Variants in UROC1 observed in about 807,000 individuals in gnomAD.
UROC1 encodes urocanate hydratase.
In UROC1, 79 loss-of-function variants were observed where a neutral mutation model predicts 89.5. That is an observed-to-expected ratio of 0.88 (90% CI 0.74 to 1.06). The LOEUF (loss-of-function observed/expected upper bound fraction) is 1.06. Among genes scored for constraint, UROC1 ranks in the 50% least tolerant of loss-of-function variants. The pLI is 0.00. For missense variants in UROC1, 885 were observed against 907.8 expected (o/e 0.97, Z 0.32); for synonymous variants, 361 against 354.8 (o/e 1.02, Z -0.20).
At position 126,517,684 on chromosome 3, in the gene UROC1, G is replaced by A. The variant is rs1936359901; in HGVS notation, c.36C>T (p.Pro12=). Residue 12 remains proline, a synonymous_variant, in exon 1 of 20, where the codon CCC becomes CCT. Coordinates refer to ENST00000290868, the MANE Select transcript of UROC1 (RefSeq NM_144639.3). Reference sequence around the variant, plus strand: ...CCCGGTTCTCTGGGAGGGGCCGCAGGGGCAGGCCAGAGCACAGCGCCTGGA... The same window carrying A: ...CCCGGTTCTCTGGGAGGGGCCGCAGAGGCAGGCCAGAGCACAGCGCCTGGA... ...SSLQALCSGL[P]LRPLPENRGR... is the part of the protein sequence containing the mutation. 3 of 1,599,324 alleles carry A rather than the reference G, an allele frequency of 1.9e-6. No individual in the cohort carries two copies. The highest frequency in any genetic ancestry group is 2.6e-6 in the Non-Finnish European group (3 of 1,173,674).
At chr3:126,504,390 T>C (rs1936006776) in intron 8 of UROC1, among the ~76,000 whole-genome samples, 1 of 152,148 alleles carries the variant, frequency 6.6e-6, no homozygotes, top group Non-Finnish European at 1.5e-5. Context: ...GAACATCGAT[T>C]TCAACTAAGA....
At chr3:126,505,108 A>C (rs1936023084) in intron 8 of UROC1, among the ~76,000 whole-genome samples, 1 of 152,136 alleles carries the variant, frequency 6.6e-6, no homozygotes, top group African/African-American at 2.4e-5. Flanking sequence ...ACCTTCCACC[A>C]TGAGTGGAAG....
intron 2 of UROC1, among the ~76,000 whole-genome samples, chr3:126,510,052 TG>T (rs1219193419): frequency 6.6e-6 from 1 of 152,228 alleles, no homozygotes; most frequent in Non-Finnish European, 1.5e-5. Context: ...CCGGAGGTAC[TG>T]GCTGGAGTGA....
intron 4 of UROC1, 113 bp from the exon 5 acceptor site, chr3:126,508,208 C>T: frequency 6.3e-7 from 1 of 1,591,866 alleles, no homozygotes; most frequent in South Asian, 1.1e-5. Flanking sequence ...GTCTCCATTC[C>T]ACTCCAGTGG....
Position 126,505,927 on chromosome 3 carries a change from C to T in UROC1, c.669+18G>A, listed in dbSNP as rs542476332. The T allele has an allele frequency of 6.2e-5, 100 of 1,612,664 alleles. 1 individual carries two copies. In the South Asian group the frequency reaches 8.2e-4, roughly 13 times the overall value. ...CCATGCTGGGAAGCCCACAGCCAGG[C>T]GTGGCCCCATCTCTCACCACAGTGC... is the stretch of plus-strand genomic sequence containing the variant. On this transcript the variant is annotated intron_variant, in intron 7 of 19. Transcript: ENST00000290868.
chr3:126,504,783 C>T (rs1458764257), intron 8 of UROC1, among the ~76,000 whole-genome samples: 1 of 152,206 alleles, frequency 6.6e-6, no homozygotes, highest in Non-Finnish European at 1.5e-5. Flanking sequence ...GGCTCCTTGC[C>T]TCCTCCACTT....
chr3:126,517,544 T>A (rs765208718), intron 1 of UROC1, 50 bp downstream of exon 1: 2 of 1,611,474 alleles, frequency 1.2e-6, no homozygotes, highest in Non-Finnish European at 1.7e-6. Context: ...ATGGACCACC[T>A]GGAGGATGCC....
At chr3:126,501,960 G>C in intron 9 of UROC1, 5 of 1,581,824 alleles carry the variant, frequency 3.2e-6, no homozygotes, top group Middle Eastern at 1.7e-4. Flanking sequence ...TGTGGGAACC[G>C]TGAGCAGAGC....
At chr3:126,513,813 G>A (rs541904155) in intron 1 of UROC1, among the ~76,000 whole-genome samples, 1 of 152,232 alleles carries the variant, frequency 6.6e-6, no homozygotes, top group Non-Finnish European at 1.5e-5. Flanking sequence ...TTAAGCAGTA[G>A]GTATGCCCCT....
At chr3:126,506,192 C>T (rs983032116) in intron 6 of UROC1, among the ~76,000 whole-genome samples, 181 bp from the exon 7 acceptor site, 1 of 152,230 alleles carries the variant, frequency 6.6e-6, no homozygotes, top group African/African-American at 2.4e-5. Context: ...ACACCCTTGT[C>T]CCCTCTCGCC....
chr3:126,482,478 C>T lies in UROC1; in HGVS notation c.1898G>A (p.Arg633Gln), dbSNP rs374958655. Residue 633 changes from arginine to glutamine, a missense_variant, in exon 20 of 20, where the codon CGG becomes CAG. By Grantham distance (43) the Arg-to-Gln change is conservative. Coordinates refer to ENST00000290868, the MANE Select transcript of UROC1 (RefSeq NM_144639.3). ...LSWDVSNGVA[R>Q]RCWSGNQKAY... ...CTTCTGGTTCCCTGACCAGCAGCGC[C>T]GGGCCACCTAGGGCAAGGAGGGGGA... The T allele has an allele frequency of 8.1e-5, 130 of 1,613,864 alleles. No individual in the cohort carries two copies. Among genetic ancestry groups the T allele is most frequent in the African/African-American group, 3.6e-4 (27 of 74,928 alleles).
chr3:126,502,689 T>G (rs1264353698), intron 9 of UROC1, among the ~76,000 whole-genome samples: 1 of 151,880 alleles, frequency 6.6e-6, no homozygotes, highest in Non-Finnish European at 1.5e-5. Flanking sequence ...GTTGTGTGTC[T>G]GTTTATGTGT....
intron 4 of UROC1, 120 bp downstream of exon 4, chr3:126,508,296 C>T (rs545877378): frequency 7.3e-6 from 10 of 1,379,144 alleles, no homozygotes; most frequent in African/African-American, 1.4e-5. Flanking sequence ...ATGCTGGAGC[C>T]TCAGGCACCA....
At position 126,483,580 on chromosome 3, in the gene UROC1, C is replaced by A. The variant is rs945421664; in HGVS notation, c.1791-112G>T. The A allele has an allele frequency of 4.1e-6, 4 of 964,238 alleles. No homozygotes were observed. In the African/African-American group the frequency reaches 4.8e-5, roughly 12 times the overall value. 59.7% of individuals were successfully genotyped at this position (964,238 alleles called of 1,614,324 possible). ...CTTGAGACGGCGTCAGGGTTGGGGCCGCCACACCGCCAGCCTCTGCAACCT... is the reference window on the plus strand; with the variant it reads ...CTTGAGACGGCGTCAGGGTTGGGGCAGCCACACCGCCAGCCTCTGCAACCT... On this transcript the variant is annotated intron_variant, in intron 18 of 19. Transcript: ENST00000290868.
intron 1 of UROC1, among the ~76,000 whole-genome samples, chr3:126,517,330 A>G (rs1254584079): frequency 6.6e-6 from 1 of 152,168 alleles, no homozygotes; most frequent in African/African-American, 2.4e-5. Flanking sequence ...GGAGGTGGCC[A>G]AAGTGCCACC....
chr3:126,515,660 CT>C (rs1183525768), intron 1 of UROC1, among the ~76,000 whole-genome samples: 1 of 36,810 alleles, frequency 2.7e-5, no homozygotes, highest in Non-Finnish European at 5.2e-5. Flanking sequence ...TACCCTCCCC[CT>C]AACCCCCAGC....
intron 9 of UROC1, among the ~76,000 whole-genome samples, chr3:126,502,341 G>A (rs891858506): frequency 1.0e-4 from 15 of 149,870 alleles, no homozygotes; most frequent in African/African-American, 2.0e-4. Context: ...TGTTGTGTGC[G>A]TTTGTGTGTT....
chr3:126,486,945 C>T (rs115759806), intron 18 of UROC1, among the ~76,000 whole-genome samples: 1 of 152,338 alleles, frequency 6.6e-6, no homozygotes, highest in African/African-American at 2.4e-5. Flanking sequence ...TTTCCCAAAA[C>T]ACCCCTCAAG....
intron 15 of UROC1, among the ~76,000 whole-genome samples, chr3:126,493,813 A>G (rs1935711492): frequency 6.6e-6 from 1 of 152,238 alleles, no homozygotes; most frequent in Non-Finnish European, 1.5e-5. Flanking sequence ...GCTGAGGCTG[A>G]GAAACCCTGG....
Sources: gnomAD v4.1 joint callset for allele counts (sites outside exome capture counted in the v4.1 genomes callset) on GRCh38, gnomAD v4.1.1 for gene constraint, MANE v1.5 for transcripts, NCBI Gene and HGNC (gene_info 2026-07-23, HGNC 2026-07-21) for gene names.